PPP1R12A: variants seen among roughly 807,000 people sequenced by gnomAD.
PPP1R12A encodes the protein myosin binding subunit.
Under a neutral mutation model 139.6 loss-of-function variants are expected in PPP1R12A, and 19 were observed. That is an observed-to-expected ratio of 0.14 (90% CI 0.09 to 0.20). The LOEUF is 0.20. Among genes scored for constraint, PPP1R12A ranks in the 10% least tolerant of loss-of-function variants. PPP1R12A has a pLI of 1.00. For missense variants in PPP1R12A, 925 were observed against 1,211.5 expected (o/e 0.76, Z 3.51); for synonymous variants, 427 against 420.6 (o/e 1.02, Z -0.19).
intron 22 of PPP1R12A, among the ~76,000 whole-genome samples, chr12:79,783,295 CAAAAAAA>C (rs5799441): frequency 1.7e-5 from 2 of 117,114 alleles, no homozygotes; most frequent in Admixed American, 9.2e-5. Context: ...CCGTCTCTAC[CAAAAAAA>C]AAAAAAAAAA....
Position 79,797,349 on chromosome 12 carries a change from C to G in PPP1R12A, c.2138G>C (p.Arg713Thr). Residue 713 changes from arginine to threonine, a missense_variant, in exon 16 of 25, where the codon AGA (arginine) becomes ACA (threonine). This residue lies in a region of PPP1R12A where 315 missense variants were observed against 363.4 expected (regional missense o/e 0.87). Coordinates refer to ENST00000450142, the MANE Select transcript of PPP1R12A (RefSeq NM_002480.3). ...TTCTCTGGTTCGGGTAGAACGACTT[C>G]TTCCTATTGTTTTCTCAGCTTCTTG... The part of the protein sequence containing the change: ...DLQEAEKTIG[R>T]SRSTRTREQE... 1.2e-6 allele frequency: 2 copies of G among 1,603,388 alleles called. No homozygotes were observed. The highest frequency in any genetic ancestry group is 1.1e-5 in the South Asian group (1 of 88,974).
intron 2 of PPP1R12A, among the ~76,000 whole-genome samples, chr12:79,870,304 TG>T (rs1458790745): frequency 6.6e-6 from 1 of 151,988 alleles, no homozygotes; most frequent in Non-Finnish European, 1.5e-5. Context: ...TTTGCAGACA[TG>T]GGGTTTTGTC....
intron 1 of PPP1R12A, among the ~76,000 whole-genome samples, chr12:79,883,096 C>T (rs906106924): frequency 6.6e-6 from 1 of 152,010 alleles, no homozygotes; most frequent in Non-Finnish European, 1.5e-5. Context: ...AAGATTGTGC[C>T]ACTGCACTCC....
In PPP1R12A at chr12:79,774,855, TTTAA is replaced by T. The variant is rs1869568932; in HGVS notation, c.*1070_*1073del. 1 of 152,474 alleles carries T rather than the reference TTTAA, an allele frequency of 6.6e-6. No individual in the cohort carries two copies. The highest frequency in any genetic ancestry group is 1.5e-5 in the Non-Finnish European group (1 of 67,994). 9.4% of individuals were successfully genotyped at this position (152,474 alleles called of 1,614,324 possible). On this transcript the variant is annotated 3_prime_UTR_variant, in exon 25 of 25. Coordinates refer to ENST00000450142, the MANE Select transcript of PPP1R12A (RefSeq NM_002480.3). ...ATGTAAAGCAATTATCTTATGCAAC[TTTAA>T]TTATGGTTGAGTACTATCAAGTGAA...
intron 2 of PPP1R12A, among the ~76,000 whole-genome samples, chr12:79,853,327 T>C (rs1002970116): frequency 6.6e-6 from 1 of 152,190 alleles, no homozygotes; most frequent in Non-Finnish European, 1.5e-5. Context: ...AATTATGGAA[T>C]ATATGAGGCT....
At chr12:79,865,374 C>T (rs1031881232) in intron 2 of PPP1R12A, among the ~76,000 whole-genome samples, 2 of 152,138 alleles carry the variant, frequency 1.3e-5, no homozygotes, top group Non-Finnish European at 2.9e-5. Flanking sequence ...ATTGAATGGG[C>T]AAAAACTGGA....
chr12:79,800,090 A>G (rs995423361), intron 14 of PPP1R12A, among the ~76,000 whole-genome samples: 1 of 152,220 alleles, frequency 6.6e-6, no homozygotes, highest in Admixed American at 6.5e-5. Context: ...CTGATAATCA[A>G]TATTTCTTGG....
chr12:79,776,515 T>C (rs1293705595), intron 24 of PPP1R12A, among the ~76,000 whole-genome samples: 1 of 152,158 alleles, frequency 6.6e-6, no homozygotes, highest in African/African-American at 2.4e-5. Flanking sequence ...TCACCTACAG[T>C]AGCTCAGTTT....
chr12:79,776,107 C>T, intron 24 of PPP1R12A, 92 bp from the exon 25 acceptor site: 1 of 787,476 alleles, frequency 1.3e-6, no homozygotes, highest in Non-Finnish European at 2.0e-6. Flanking sequence ...CACCACAAAA[C>T]ACATGATCAA....
Position 79,775,657 on chromosome 12 carries a change from C to A in PPP1R12A, c.*272G>T. The A allele has an allele frequency of 4.1e-6, 1 of 243,364 alleles. No individual in the cohort carries two copies. The highest frequency in any genetic ancestry group is 7.8e-6 in the Non-Finnish European group (1 of 127,878). The allele number at this position is 243,364 out of a possible 1,614,324, so 15.1% of individuals were successfully genotyped here. A position where few individuals can be genotyped will look rare whatever the true frequency, so the allele number is the denominator to read the frequency against. On this transcript the variant is annotated 3_prime_UTR_variant, in exon 25 of 25. Coordinates refer to ENST00000450142, the MANE Select transcript of PPP1R12A (RefSeq NM_002480.3). ...TATGCTGGAGCTGTAAACAAGTTTTCTCAGTCATTAAAAAAAAATCTTCTC... is the reference window on the plus strand; with the variant it reads ...TATGCTGGAGCTGTAAACAAGTTTTATCAGTCATTAAAAAAAAATCTTCTC...
intron 9 of PPP1R12A, 22 bp downstream of exon 9, chr12:79,817,372 A>G: frequency 1.9e-6 from 3 of 1,602,504 alleles, no homozygotes; most frequent in Non-Finnish European, 2.6e-6. Context: ...ATGTATTTTC[A>G]GCAAATACAA....
intron 8 of PPP1R12A, 50 bp from the exon 9 acceptor site, chr12:79,817,568 C>A: frequency 6.8e-7 from 1 of 1,479,574 alleles, no homozygotes; most frequent in South Asian, 1.3e-5. Flanking sequence ...TATTTGGTCT[C>A]AATGGCTGGG....
At chr12:79,789,030 G>C (rs750812455) in intron 20 of PPP1R12A, among the ~76,000 whole-genome samples, 1 of 151,936 alleles carries the variant, frequency 6.6e-6, no homozygotes, top group Non-Finnish European at 1.5e-5. Flanking sequence ...TCGACTTCTC[G>C]GGCTCAAGTG....
chr12:79,914,429 T>C (rs898460919), intron 1 of PPP1R12A, among the ~76,000 whole-genome samples: 3 of 152,116 alleles, frequency 2.0e-5, no homozygotes, highest in African/African-American at 7.2e-5. Context: ...TAGTGTGTCC[T>C]TGATTTTTAA....
chr12:79,917,051 T>A (rs1439775970), intron 1 of PPP1R12A, among the ~76,000 whole-genome samples: 1 of 152,208 alleles, frequency 6.6e-6, no homozygotes, highest in Non-Finnish European at 1.5e-5. Flanking sequence ...GCTCATACCA[T>A]ACATACTGTC....
intron 1 of PPP1R12A, among the ~76,000 whole-genome samples, chr12:79,932,695 T>G (rs1418944646): frequency 6.6e-6 from 1 of 152,146 alleles, no homozygotes; most frequent in African/African-American, 2.4e-5. Context: ...AGGAAGACAT[T>G]GGTAAGTCTG....
At chr12:79,880,886 CA>C (rs1162931259) in intron 1 of PPP1R12A, among the ~76,000 whole-genome samples, 1 of 152,058 alleles carries the variant, frequency 6.6e-6, no homozygotes, top group Non-Finnish European at 1.5e-5. Flanking sequence ...GTCTGTGTCA[CA>C]TTTTGGTAAT....
At chr12:79,778,704 G>A (rs1305048261) in intron 23 of PPP1R12A, 104 bp from the exon 24 acceptor site, 1 of 759,698 alleles carries the variant, frequency 1.3e-6, no homozygotes, top group Non-Finnish European at 1.9e-6. Context: ...GGTCCAATCA[G>A]GAGCAGTGTA....
intron 10 of PPP1R12A, among the ~76,000 whole-genome samples, chr12:79,809,486 GA>G (rs1874263406): frequency 6.6e-6 from 1 of 151,898 alleles, no homozygotes; most frequent in Non-Finnish European, 1.5e-5. Flanking sequence ...TTAAACTTCA[GA>G]AAGTTTCTTG....
Sources: allele counts gnomAD v4.1 joint callset (sites outside exome capture counted in the v4.1 genomes callset), GRCh38; gene constraint gnomAD v4.1.1; regional missense constraint gnomAD v4.1.1; transcripts MANE v1.5; gene names NCBI Gene and HGNC (gene_info 2026-07-23, HGNC 2026-07-21).